Variants in FANCD2 observed in about 807,000 individuals in gnomAD.
The protein encoded by FANCD2 is Fanconi anemia group D2 protein.
In FANCD2, 131 loss-of-function variants were observed where a neutral mutation model predicts 192.3. That is an observed-to-expected ratio of 0.68 (90% CI 0.59 to 0.79). The LOEUF is 0.79. Ranked by LOEUF, FANCD2 falls within the 30% of genes least tolerant of loss-of-function variation. FANCD2 has a pLI of 0.00. For synonymous variants in FANCD2, 524 were observed against 612.5 expected, an observed-to-expected ratio of 0.86 and a Z score of 2.13; for missense variants, 1,508 against 1,701.6, an observed-to-expected ratio of 0.89 and a Z score of 2.00.
chr3:10,037,904 T>G (rs2086770763), intron 7 of FANCD2, among the ~76,000 whole-genome samples: 1 of 152,212 alleles, frequency 6.6e-6, no homozygotes, highest in Admixed American at 6.5e-5. Flanking sequence ...ATATTAATAG[T>G]GTACCTTTCT....
intron 7 of FANCD2, chr3:10,037,419 C>T (rs2086759403): frequency 6.6e-6 from 1 of 152,152 alleles, no homozygotes; most frequent in South Asian, 2.1e-4. Flanking sequence ...TTAGTTCAGG[C>T]ATCGATTCGG....
Position 10,098,733 on chromosome 3 carries a change from A to G in FANCD2, c.4199A>G (p.Lys1400Arg). 5 of 1,614,182 alleles carry G rather than the reference A, an allele frequency of 3.1e-6. No individual in the cohort carries two copies. Among genetic ancestry groups the G allele is most frequent in the Non-Finnish European group, 4.2e-6 (5 of 1,180,020 alleles). The change falls in exon 43 of 44, where the codon AAG becomes AGG. Residue 1400 changes from lysine (K) to arginine (R), a missense_variant. Physicochemically the swap from Lys to Arg is conservative, Grantham distance 26 (BLOSUM62 2). Coordinates refer to ENST00000675286, the MANE Select transcript of FANCD2 (RefSeq NM_001018115.3). ...ATTCACATTTAGGGTGAAGAGATTA[A>G]GTCCCAAAATTCCCAGGAGAGCACA... ...KNRDLQGEEIKSQNSQESTAD... is the reference protein window; with the variant it reads ...KNRDLQGEEIRSQNSQESTAD...
chr3:10,067,440 T>G (rs776229184), intron 26 of FANCD2, 123 bp downstream of exon 26: 16 of 678,280 alleles, frequency 2.4e-5, no homozygotes, highest in Non-Finnish European at 4.3e-5. Flanking sequence ...CAGGCCAATA[T>G]CCCTGATGAA....
intron 26 of FANCD2, among the ~76,000 whole-genome samples, chr3:10,068,730 A>T (rs1344413805): frequency 1.3e-5 from 2 of 152,148 alleles, no homozygotes; most frequent in African/African-American, 4.8e-5. Flanking sequence ...GAATCGCATT[A>T]CCTGACTTCA....
chr3:10,045,096 T>C (rs571407774), intron 14 of FANCD2, among the ~76,000 whole-genome samples: 2 of 151,640 alleles, frequency 1.3e-5, no homozygotes, highest in South Asian at 4.1e-4. Context: ...CTGTTTTTTT[T>C]TTTTTCCTGG....
At chr3:10,056,876 A>G (rs2087427172) in intron 18 of FANCD2, among the ~76,000 whole-genome samples, 3 of 151,760 alleles carry the variant, frequency 2.0e-5, no homozygotes, top group Non-Finnish European at 2.9e-5. Context: ...TGTTTTTGAG[A>G]TGGGGTCTCA....
In FANCD2 at chr3:10,095,187, T is replaced by C. The variant is rs776010397; in HGVS notation, c.3964-13T>C. The C allele has an allele frequency of 1.2e-6, 2 of 1,607,470 alleles. No homozygotes were observed. The highest frequency in any genetic ancestry group is 1.3e-5 in the African/African-American group (1 of 74,830). On this transcript the variant is annotated splice_polypyrimidine_tract_variant and intron_variant, in intron 40 of 43. Transcript: ENST00000675286. Reference sequence around the variant, plus strand: ...GACATTTCATAGAGCATTTATAAACTTATTGGTTATAGGAAGATGTTCTGA... The same window carrying C: ...GACATTTCATAGAGCATTTATAAACCTATTGGTTATAGGAAGATGTTCTGA...
At chr3:10,027,477 C>T (rs904240530) in intron 1 of FANCD2, among the ~76,000 whole-genome samples, 2 of 152,182 alleles carry the variant, frequency 1.3e-5, no homozygotes, top group East Asian at 3.8e-4. Context: ...TCAGGCACTT[C>T]CCCCACCTCT....
rs561373993 is a variant in FANCD2 at position 10,090,101 on chromosome 3, C to G, written c.3684-191C>G. Among the ~76,000 whole-genome samples the G allele has an allele frequency of 5.9e-5, 9 of 152,200 alleles. No individual in the cohort carries two copies. In the South Asian group the frequency reaches 1.9e-3, roughly 32 times the overall value. ...ACACCTCCTTTCATAAAGTTAATTC[C>G]ATTGTTTGACAGGCAATCTTCTTGG... On this transcript the variant is annotated intron_variant, in intron 36 of 43. Coordinates refer to ENST00000675286, the MANE Select transcript of FANCD2 (RefSeq NM_001018115.3).
At position 10,084,549 on chromosome 3, in the gene FANCD2, C is replaced by G. The variant is rs371002110; in HGVS notation, c.3225-1263C>G. ...CTCTGGGCTCAAGTGATCCACCCGC[C>G]TCAGCCTCCCAAAGTGCTGGCATTA... On this transcript the variant is annotated intron_variant, in intron 32 of 43. Transcript: ENST00000675286. 2.9e-4 allele frequency among the ~76,000 whole-genome samples: 44 copies of G among 152,306 alleles called. No individual in the cohort carries two copies. In the East Asian group the frequency reaches 7.5e-3, roughly 26 times the overall value.
At chr3:10,052,121 TTA>T (rs1317736946) in intron 17 of FANCD2, among the ~76,000 whole-genome samples, 9 of 152,062 alleles carry the variant, frequency 5.9e-5, no homozygotes, top group African/African-American at 1.4e-4. Context: ...AAAGAAAACT[TTA>T]TGTTTCCTGA....
At chr3:10,047,876 T>C in intron 15 of FANCD2, 41 bp from the exon 16 acceptor site, 1 of 1,610,762 alleles carries the variant, frequency 6.2e-7, no homozygotes, top group African/African-American at 1.3e-5. Flanking sequence ...ACTAACTGTT[T>C]CCTACAGCTT....
At chr3:10,036,108 G>GTTTTTTTTTTTTTT (rs2086725430) in intron 6 of FANCD2, among the ~76,000 whole-genome samples, 179 bp from the exon 7 acceptor site, 1 of 89,482 alleles carries the variant, frequency 1.1e-5, no homozygotes, top group African/African-American at 5.9e-5. Flanking sequence ...TTTTTTTTGA[G>GTTTTTTTTTTTTTT]TCAGAGTCTC....
chr3:10,075,726 TC>T (rs1462794893), intron 29 of FANCD2, among the ~76,000 whole-genome samples: 13 of 119,972 alleles, frequency 1.1e-4, no homozygotes, highest in Admixed American at 3.3e-4. Context: ...AGAAATAGTA[TC>T]CTTTTTTTTT....
At chr3:10,053,777 G>A (rs1266655640) in intron 18 of FANCD2, among the ~76,000 whole-genome samples, 1 of 152,020 alleles carries the variant, frequency 6.6e-6, no homozygotes, top group Non-Finnish European at 1.5e-5. Context: ...CCCTCAAAAA[G>A]CTTTGTCTGT....
intron 2 of FANCD2, chr3:10,032,483 G>A: frequency 3.7e-6 from 1 of 270,104 alleles, no homozygotes; most frequent in Non-Finnish European, 6.9e-6. Context: ...GGTGAAGGGG[G>A]GGAGATGGGG....
intron 18 of FANCD2, chr3:10,058,094 AGT>A (rs2087465649): frequency 2.0e-6 from 1 of 498,532 alleles, no homozygotes; most frequent in Non-Finnish European, 3.8e-6. Flanking sequence ...ATACTCCATC[AGT>A]GTATCCTCTC....
At position 10,088,844 on chromosome 3, in the gene FANCD2, A is replaced by G. The variant is rs753527115; in HGVS notation, c.3577A>G (p.Thr1193Ala). The G allele has an allele frequency of 6.2e-7, 1 of 1,614,186 alleles. No homozygotes were observed. Among genetic ancestry groups the G allele is most frequent in the African/African-American group, 1.3e-5 (1 of 75,066 alleles). The change falls in exon 36 of 44, where the codon ACA (threonine) becomes GCA (alanine). Residue 1193 changes from threonine (T) to alanine (A), a missense_variant. Thr to Ala is a moderately conservative substitution (Grantham distance 58). This residue lies in a region of FANCD2 where 796 missense variants were observed against 879.4 expected (regional missense o/e 0.91). Coordinates refer to ENST00000675286, the MANE Select transcript of FANCD2 (RefSeq NM_001018115.3). ...HALLCIYLEH[T>A]ESILKAIEEI... ...TCAATGCAGTATCTACCTGGAGCACACAGAGAGCATTCTGAAGGCCATAGA... is the reference window on the plus strand; with the variant it reads ...TCAATGCAGTATCTACCTGGAGCACGCAGAGAGCATTCTGAAGGCCATAGA...
chr3:10,053,244 T>C (rs2087270538), intron 18 of FANCD2, among the ~76,000 whole-genome samples: 1 of 150,988 alleles, frequency 6.6e-6, no homozygotes, highest in Non-Finnish European at 1.5e-5. Flanking sequence ...TGGATGAAAT[T>C]GGAAATCATC....
Sources: gnomAD v4.1 joint callset for allele counts (sites outside exome capture counted in the v4.1 genomes callset) on GRCh38, gnomAD v4.1.1 for gene constraint, gnomAD v4.1.1 regional missense constraint, MANE v1.5 for transcripts, NCBI Gene and HGNC (gene_info 2026-07-23, HGNC 2026-07-21) for gene names.